SLAMF6: variants seen among roughly 807,000 people sequenced by gnomAD.
SLAMF6 encodes SLAM family member 6.
A neutral mutation model predicts 38.3 loss-of-function variants in SLAMF6; 21 were observed. That is an observed-to-expected ratio of 0.55 (90% CI 0.39 to 0.79). SLAMF6 has a LOEUF of 0.79. SLAMF6 is among the 30% of genes least tolerant of loss of function. SLAMF6 has a pLI of 0.00. For missense variants in SLAMF6, 341 were observed against 385.3 expected (o/e 0.89, Z 0.96); for synonymous variants, 152 against 146.3 (o/e 1.04, Z -0.28).
intron 1 of SLAMF6, among the ~76,000 whole-genome samples, chr1:160,505,568 A>T (rs747091986): frequency 5.3e-5 from 8 of 152,084 alleles, no homozygotes; most frequent in Non-Finnish European, 7.4e-5. Context: ...TCCCTGGCTA[A>T]TTTTTAAAAT....
chr1:160,509,845 A>C (rs1654385434), intron 1 of SLAMF6, among the ~76,000 whole-genome samples: 1 of 152,162 alleles, frequency 6.6e-6, no homozygotes, highest in Non-Finnish European at 1.5e-5. Flanking sequence ...CAAAATTGAC[A>C]AACCTTTAGC....
chr1:160,498,487 A>G (rs1653714328), intron 1 of SLAMF6, among the ~76,000 whole-genome samples: 1 of 152,220 alleles, frequency 6.6e-6, no homozygotes, highest in Non-Finnish European at 1.5e-5. Context: ...CACGTCTTAC[A>G]TGGTGGCAGG....
intron 1 of SLAMF6, among the ~76,000 whole-genome samples, chr1:160,504,480 A>G (rs1259752412): frequency 6.6e-6 from 1 of 152,316 alleles, no homozygotes; most frequent in East Asian, 1.9e-4. Context: ...AGTCTTGAAG[A>G]CAGCCGTCTA....
chr1:160,496,510 G>T (rs2102028019), intron 1 of SLAMF6, 117 bp from the exon 2 acceptor site: 1 of 970,932 alleles, frequency 1.0e-6, no homozygotes, highest in Non-Finnish European at 1.5e-6. Flanking sequence ...AAAACTCAGA[G>T]ATATGACAGA....
At position 160,486,243 on chromosome 1, in the gene SLAMF6, A is replaced by C. The variant is rs1652956147; in HGVS notation, c.*464T>G. The stretch of plus-strand genomic sequence containing the variant: ...ATCTGAAACATTTCTAATCCCAAGC[A>C]TTTCAGACAAGGGATGCTCAACTTG... On this transcript the variant is annotated 3_prime_UTR_variant, in exon 8 of 8. Coordinates refer to ENST00000368057, the MANE Select transcript of SLAMF6 (RefSeq NM_001184714.2). The C allele has an allele frequency of 6.5e-6, 1 of 153,228 alleles. No individual in the cohort carries two copies. Among genetic ancestry groups the C allele is most frequent in the Admixed American group, 6.5e-5 (1 of 15,328 alleles). 9.5% of individuals were successfully genotyped at this position (153,228 alleles called of 1,614,324 possible).
Position 160,490,205 on chromosome 1 carries a change from C to A in SLAMF6, c.789G>T (p.Gln263His). The A allele has an allele frequency of 1.2e-6, 2 of 1,613,814 alleles. No individual in the cohort carries two copies. Among genetic ancestry groups the A allele is most frequent in the Non-Finnish European group, 1.7e-6 (2 of 1,179,808 alleles). Residue 263 changes from glutamine (Q) to histidine (H), a missense_variant, in exon 5 of 8, where the codon CAG (glutamine) becomes CAT (histidine). Gln to His is a conservative substitution (Grantham distance 24). Coordinates refer to ENST00000368057, the MANE Select transcript of SLAMF6 (RefSeq NM_001184714.2). ...DSLSLSTQRT[Q>H]GPAESARNLE... is the part of the protein sequence containing the mutation. ...AAGAGTCTGAATGCTCACCGGGGCC[C>A]TGTGTTCGCTGAGTAGACAAAGATA...
chr1:160,514,101 G>A (rs1160057446), intron 1 of SLAMF6, among the ~76,000 whole-genome samples: 1 of 152,114 alleles, frequency 6.6e-6, no homozygotes, highest in Non-Finnish European at 1.5e-5. Context: ...AGACCCATTG[G>A]TGTGCTGTAT....
chr1:160,487,367 G>C, intron 6 of SLAMF6, among the ~76,000 whole-genome samples, 192 bp from the exon 7 acceptor site: 1 of 152,188 alleles, frequency 6.6e-6, no homozygotes, highest in East Asian at 1.9e-4. Context: ...GGCATTTCCT[G>C]AGCCCCAAAC....
Position 160,491,276 on chromosome 1 carries a change from T to C in SLAMF6, c.495A>G (p.Arg165=). ...AAAGTGTGTTTCCCAAGGCCTCCCA[T>C]CTGAATGAGACATTGTCATCTGCAT... The part of the protein sequence containing the change: ...VEDADDNVSF[R]WEALGNTLSS... Residue 165 remains arginine, a synonymous_variant, in exon 3 of 8, where the codon AGA becomes AGG. Transcript: ENST00000368057. 2 of 1,614,020 alleles carry C rather than the reference T, an allele frequency of 1.2e-6. No individual in the cohort carries two copies. Among genetic ancestry groups the C allele is most frequent in the Non-Finnish European group, 1.7e-6 (2 of 1,179,988 alleles).
At chr1:160,486,953 G>T in intron 7 of SLAMF6, 151 bp downstream of exon 7, 1 of 913,872 alleles carries the variant, frequency 1.1e-6, no homozygotes, top group Non-Finnish European at 1.7e-6. Flanking sequence ...ATAACTTCTT[G>T]ATTATGTTTT....
At chr1:160,515,260 G>A (rs934014104) in intron 1 of SLAMF6, among the ~76,000 whole-genome samples, 1 of 152,144 alleles carries the variant, frequency 6.6e-6, no homozygotes, top group Non-Finnish European at 1.5e-5. Flanking sequence ...AGAAAATCTA[G>A]AAGAAATGGA....
At position 160,510,275 on chromosome 1, in the gene SLAMF6, C is replaced by T. The variant is rs116523377; in HGVS notation, c.49+12869G>A. On this transcript the variant is annotated intron_variant, in intron 1 of 7. Coordinates refer to ENST00000368057, the MANE Select transcript of SLAMF6 (RefSeq NM_001184714.2). ...GTCAGCATTACCCTGATACCAAAGC[C>T]AAAAATATCAGAAAAAAGAAAACTA... Among the ~76,000 whole-genome samples, 1,353 of 152,006 alleles carry T rather than the reference C, an allele frequency of 8.9e-3. 24 individuals are homozygous for T. The highest frequency in any genetic ancestry group is 0.031 in the African/African-American group (1,269 of 41,470).
intron 1 of SLAMF6, among the ~76,000 whole-genome samples, chr1:160,514,355 A>G (rs1654637730): frequency 6.6e-6 from 1 of 152,210 alleles, no homozygotes; most frequent in African/African-American, 2.4e-5. Flanking sequence ...GATTCCTAAA[A>G]TAAGCTCTTA....
chr1:160,495,117 A>C (rs1195914456), intron 2 of SLAMF6, among the ~76,000 whole-genome samples: 1 of 152,186 alleles, frequency 6.6e-6, no homozygotes, highest in African/African-American at 2.4e-5. Flanking sequence ...CTGTCTGTGG[A>C]GACCTTTTAT....
intron 1 of SLAMF6, among the ~76,000 whole-genome samples, chr1:160,512,934 C>A (rs1654563713): frequency 6.6e-6 from 1 of 152,144 alleles, no homozygotes; most frequent in Non-Finnish European, 1.5e-5. Flanking sequence ...GCTGAAAACT[C>A]AAAAAGCCAG....
chr1:160,488,978 C>G, intron 6 of SLAMF6, 110 bp downstream of exon 6: 2 of 1,002,714 alleles, frequency 2.0e-6, no homozygotes, highest in South Asian at 2.8e-5. Flanking sequence ...CTGTGGCTGT[C>G]TTCTCCTCCC....
intron 1 of SLAMF6, among the ~76,000 whole-genome samples, chr1:160,514,041 C>A (rs1294666009): frequency 6.6e-6 from 1 of 152,126 alleles, no homozygotes; most frequent in East Asian, 1.9e-4. Flanking sequence ...TATAAATGTG[C>A]TAAGTGCCCC....
chr1:160,488,026 G>A (rs72708809), intron 6 of SLAMF6, among the ~76,000 whole-genome samples: 244 of 151,636 alleles, frequency 1.6e-3, no homozygotes, highest in Non-Finnish European at 2.9e-3. Context: ...AGGAGGTTGA[G>A]GCTGCAGTGA....
At chr1:160,493,917 T>C (rs546416490) in intron 2 of SLAMF6, among the ~76,000 whole-genome samples, 1 of 152,210 alleles carries the variant, frequency 6.6e-6, no homozygotes, top group South Asian at 2.1e-4. Flanking sequence ...GAGAGCTCAC[T>C]ATCATGAGAA....
Sources: allele counts gnomAD v4.1 joint callset (sites outside exome capture counted in the v4.1 genomes callset), GRCh38; gene constraint gnomAD v4.1.1; transcripts MANE v1.5; gene names NCBI Gene and HGNC (gene_info 2026-07-23, HGNC 2026-07-21).